Variants in PABPC4L observed in about 807,000 individuals in gnomAD.
The protein encoded by PABPC4L is polyadenylate-binding protein 4-like.
For synonymous variants in PABPC4L, 169 were observed against 164.1 expected (o/e 1.03, Z -0.23); for missense variants, 452 against 451.4 (o/e 1.00, Z -0.01).
At chr4:134,126,705 T>C in the PABPC4L span, among the ~76,000 whole-genome samples, 144 of 152,242 alleles carry the variant, frequency 9.5e-4, 1 homozygote, top group Non-Finnish European at 1.5e-3. Flanking sequence ...CAGAGCAGTG[T>C]GAAGAGGCCC....
the PABPC4L span, among the ~76,000 whole-genome samples, chr4:133,969,185 C>T: frequency 2.4e-3 from 367 of 152,274 alleles, 1 homozygote; most frequent in African/African-American, 8.2e-3. Flanking sequence ...TGATACAAAG[C>T]TTTGTGCATG....
chr4:134,056,657 T>G, the PABPC4L span, among the ~76,000 whole-genome samples: 1 of 151,996 alleles, frequency 6.6e-6, no homozygotes, highest in Admixed American at 6.6e-5. Context: ...GAAAATCTTA[T>G]TGTATTTTTT....
At chr4:134,071,591 T>A in the PABPC4L span, among the ~76,000 whole-genome samples, 79 of 152,288 alleles carry the variant, frequency 5.2e-4, 1 homozygote, top group East Asian at 0.013. Flanking sequence ...ATATTGAAGA[T>A]AATTTAAATG....
rs991849984 is a variant in PABPC4L at position 134,199,062 on chromosome 4, T to A, written c.*845A>T. The A allele has an allele frequency of 3.9e-5, 6 of 152,012 alleles. No individual in the cohort carries two copies. The highest frequency in any genetic ancestry group is 1.4e-4 in the African/African-American group (6 of 41,432). The allele number at this position is 152,012 out of a possible 1,614,324, so 9.4% of individuals were successfully genotyped here. ...ATCTGTATGTATGATTTTCATAATA[T>A]TAGCATCTGGTAAAAATTTAAGATA... On this transcript the variant is annotated 3_prime_UTR_variant, in exon 2 of 2. Coordinates refer to ENST00000421491, the MANE Select transcript of PABPC4L (RefSeq NM_001114734.2).
the PABPC4L span, among the ~76,000 whole-genome samples, chr4:134,127,711 A>G: frequency 6.6e-6 from 1 of 152,124 alleles, no homozygotes; most frequent in African/African-American, 2.4e-5. Flanking sequence ...AAGAACCAGA[A>G]AAACGATTCT....
chr4:133,998,993 C>G, the PABPC4L span, among the ~76,000 whole-genome samples: 1 of 151,916 alleles, frequency 6.6e-6, no homozygotes, highest in Non-Finnish European at 1.5e-5. Flanking sequence ...GGTGTCCACC[C>G]TATACCCAGA....
At chr4:134,142,151 C>T in the PABPC4L span, among the ~76,000 whole-genome samples, 4 of 151,628 alleles carry the variant, frequency 2.6e-5, no homozygotes, top group South Asian at 8.3e-4. Context: ...ACTAAGTAGT[C>T]CCAAGTTTTT....
chr4:134,180,254 A>C, the PABPC4L span, among the ~76,000 whole-genome samples: 2 of 152,022 alleles, frequency 1.3e-5, no homozygotes, highest in Non-Finnish European at 2.9e-5. Context: ...CAATACAATA[A>C]TATGGAAACT....
At chr4:134,101,518 G>T in the PABPC4L span, among the ~76,000 whole-genome samples, 1 of 150,860 alleles carries the variant, frequency 6.6e-6, no homozygotes, top group Admixed American at 6.6e-5. Context: ...ATTTTACTTG[G>T]ATAGGAAAAG....
chr4:134,173,947 C>G, the PABPC4L span, among the ~76,000 whole-genome samples: 3 of 151,960 alleles, frequency 2.0e-5, 1 homozygote, highest in Non-Finnish European at 4.4e-5. Context: ...AACTTTTGTG[C>G]TCTTTGGTAA....
the PABPC4L span, among the ~76,000 whole-genome samples, chr4:133,988,818 A>G: frequency 6.8e-3 from 1,030 of 152,220 alleles, 13 homozygotes; most frequent in African/African-American, 0.023. Flanking sequence ...GAGGTTCTCC[A>G]TGAGGGCTCT....
the PABPC4L span, among the ~76,000 whole-genome samples, chr4:134,145,148 A>T: frequency 6.6e-6 from 1 of 151,858 alleles, no homozygotes; most frequent in South Asian, 2.1e-4. Flanking sequence ...TGAAAATAAT[A>T]CTACACTCTG....
At chr4:134,168,843 A>C in the PABPC4L span, among the ~76,000 whole-genome samples, 113 of 152,176 alleles carry the variant, frequency 7.4e-4, 1 homozygote, top group African/African-American at 2.7e-3. Context: ...ACACTAAAAG[A>C]TGAAATAAAA....
At chr4:134,132,564 G>A in the PABPC4L span, among the ~76,000 whole-genome samples, 1 of 151,610 alleles carries the variant, frequency 6.6e-6, no homozygotes, top group Non-Finnish European at 1.5e-5. Context: ...AAAAAAAATC[G>A]ATGTTGGACT....
chr4:134,003,150 A>C, the PABPC4L span, among the ~76,000 whole-genome samples: 2 of 152,014 alleles, frequency 1.3e-5, no homozygotes, highest in Non-Finnish European at 2.9e-5. Context: ...TATCTGATAT[A>C]GTCTCTAATG....
chr4:134,016,689 T>C, the PABPC4L span, among the ~76,000 whole-genome samples: 1 of 152,180 alleles, frequency 6.6e-6, no homozygotes. Context: ...CATTCTATTC[T>C]GTCGTCATTT....
At chr4:134,156,761 T>C in the PABPC4L span, among the ~76,000 whole-genome samples, 1 of 151,882 alleles carries the variant, frequency 6.6e-6, no homozygotes, top group Non-Finnish European at 1.5e-5. Context: ...TACAAATTGT[T>C]ATCCCATAAC....
chr4:134,045,995 G>T, the PABPC4L span, among the ~76,000 whole-genome samples: 1 of 151,984 alleles, frequency 6.6e-6, no homozygotes, highest in Non-Finnish European at 1.5e-5. Context: ...ACTGAAGGGG[G>T]CCAGCACCTC....
At chr4:133,978,461 G>A in the PABPC4L span, among the ~76,000 whole-genome samples, 1 of 151,994 alleles carries the variant, frequency 6.6e-6, no homozygotes, top group South Asian at 2.1e-4. Context: ...TAATAATAAC[G>A]ACAAAATAGC....
Sources: allele counts gnomAD v4.1 joint callset (sites outside exome capture counted in the v4.1 genomes callset), GRCh38; gene constraint gnomAD v4.1.1; transcripts MANE v1.5; gene names NCBI Gene and HGNC (gene_info 2026-07-23, HGNC 2026-07-21).